The following RAD51B variants were observed in gnomAD, a reference collection of about 807,000 sequenced individuals.
RAD51B encodes DNA repair protein RAD51 homolog 2.
RAD51B carries 38 observed loss-of-function variants against 42.2 expected under a neutral mutation model. That is an observed-to-expected ratio of 0.90 (90% CI 0.70 to 1.18). RAD51B has a LOEUF of 1.18. RAD51B is among the 50% of genes most tolerant of loss of function. RAD51B has a pLI of 0.00. For synonymous variants in RAD51B, 154 were observed against 145.2 expected, an observed-to-expected ratio of 1.06 and a Z score of -0.43; for missense variants, 373 against 400.7, an observed-to-expected ratio of 0.93 and a Z score of 0.59.
At chr14:68,681,879 T>C (rs1016693951) in intron 11 of RAD51B, among the ~76,000 whole-genome samples, 7 of 152,152 alleles carry the variant, frequency 4.6e-5, no homozygotes, top group Non-Finnish European at 8.8e-5. Flanking sequence ...ATGAAAGATA[T>C]AGTGGACTTT....
intron 9 of RAD51B, chr14:68,421,658 A>G: frequency 2.0e-6 from 3 of 1,504,490 alleles, no homozygotes; most frequent in Non-Finnish European, 2.7e-6. Flanking sequence ...TGAGCTACGG[A>G]AGGAATGGTC....
intron 8 of RAD51B, among the ~76,000 whole-genome samples, chr14:68,376,333 C>A (rs1282945704): frequency 6.6e-6 from 1 of 152,198 alleles, no homozygotes; most frequent in Non-Finnish European, 1.5e-5. Flanking sequence ...AAACAACCCA[C>A]CACCCAGCAG....
chr14:68,156,257 A>G (rs2078502334), intron 7 of RAD51B, among the ~76,000 whole-genome samples: 1 of 152,220 alleles, frequency 6.6e-6, no homozygotes, highest in Non-Finnish European at 1.5e-5. Context: ...TAATGTTGAC[A>G]GAGTCCTTGC....
At chr14:68,591,848 G>C (rs767310314) in intron 10 of RAD51B, among the ~76,000 whole-genome samples, 1 of 152,016 alleles carries the variant, frequency 6.6e-6, no homozygotes, top group Non-Finnish European at 1.5e-5. Flanking sequence ...GTGATTGGCC[G>C]GCCACCTGGA....
chr14:68,515,429 T>C (rs1193916836), intron 10 of RAD51B, among the ~76,000 whole-genome samples: 2 of 73,200 alleles, frequency 2.7e-5, no homozygotes, highest in Non-Finnish European at 6.6e-5. Flanking sequence ...TTTTCTTCCT[T>C]TCTTCTTCTT....
rs566524304 is a variant in RAD51B at position 68,273,269 on chromosome 14, G to A, written c.757-18615G>A. ...GGAGGAGGCTGCTATCCAGAGTCAG[G>A]AAGTCTCCCAAGGTGTTTTTTGCCT... On this transcript the variant is annotated intron_variant, in intron 7 of 10. Transcript: ENST00000471583. Among the ~76,000 whole-genome samples, 15 of 152,272 alleles carry A rather than the reference G, an allele frequency of 9.9e-5. 1 individual carries two copies. Among genetic ancestry groups the A allele is most frequent in the African/African-American group, 3.6e-4 (15 of 41,556 alleles).
intron 8 of RAD51B, chr14:68,339,407 A>C (rs1352537292): frequency 1.3e-6 from 1 of 748,996 alleles, no homozygotes; most frequent in African/African-American, 1.8e-5. Flanking sequence ...TATCCTGTCC[A>C]ATGCCAAAAT....
intron 7 of RAD51B, among the ~76,000 whole-genome samples, chr14:68,005,872 T>G (rs1390899466): frequency 6.6e-6 from 1 of 152,142 alleles, no homozygotes; most frequent in Non-Finnish European, 1.5e-5. Flanking sequence ...CTCAAGAAAC[T>G]TTGAATCATG....
In RAD51B at chr14:67,991,586, T is replaced by C. The variant is rs142842002; in HGVS notation, c.756+104382T>C. ...TGAAAGAGTGATATTTAATGGTCTGTGTTAACCTGGAAGGAGAACTCTGGG... is the reference window on the plus strand; with the variant it reads ...TGAAAGAGTGATATTTAATGGTCTGCGTTAACCTGGAAGGAGAACTCTGGG... On this transcript the variant is annotated intron_variant, in intron 7 of 10. Coordinates refer to ENST00000471583, the MANE Select transcript of RAD51B (RefSeq NM_133510.4). Among the ~76,000 whole-genome samples, 1,225 of 152,304 alleles carry C rather than the reference T, an allele frequency of 8.0e-3. 14 individuals carry two copies. Among genetic ancestry groups the C allele is most frequent in the African/African-American group, 0.028 (1,148 of 41,572 alleles).
intron 9 of RAD51B, among the ~76,000 whole-genome samples, chr14:68,414,859 TAAAAAAAAAA>T (rs33968049): frequency 2.8e-5 from 2 of 71,212 alleles, no homozygotes; most frequent in African/African-American, 1.2e-4. Flanking sequence ...CCATCTCTAC[TAAAAAAAAAA>T]AAAAAAAAAA....
At chr14:68,121,980 G>A (rs1595430189) in intron 7 of RAD51B, among the ~76,000 whole-genome samples, 1 of 151,866 alleles carries the variant, frequency 6.6e-6, no homozygotes, top group Non-Finnish European at 1.5e-5. Context: ...ATAAGATAAT[G>A]TTGGCATTGC....
intron 7 of RAD51B, among the ~76,000 whole-genome samples, chr14:67,959,590 T>A (rs1299924194): frequency 2.0e-5 from 3 of 152,134 alleles, no homozygotes; most frequent in African/African-American, 7.2e-5. Context: ...AAAATAATGG[T>A]AAGCCGGGTA....
At chr14:68,240,382 G>A (rs1167449195) in intron 7 of RAD51B, among the ~76,000 whole-genome samples, 2 of 152,192 alleles carry the variant, frequency 1.3e-5, no homozygotes, top group Non-Finnish European at 2.9e-5. Flanking sequence ...AGGAAAAGCG[G>A]AGAGAAAAAG....
intron 7 of RAD51B, among the ~76,000 whole-genome samples, chr14:68,289,435 C>T (rs138149916): frequency 5.0e-4 from 76 of 152,164 alleles, no homozygotes; most frequent in Middle Eastern, 3.4e-3. Context: ...AGAGAAATGG[C>T]CGGGCATGGT....
rs189472748 is a variant in RAD51B, at chr14:68,255,488, C to T, written c.757-36396C>T. ...TAATTCCTTTTATAAGACAATCATT[C>T]ACACTAATTTTCAAAGTCCCACAAG... is the stretch of plus-strand genomic sequence containing the variant. On this transcript the variant is annotated intron_variant, in intron 7 of 10. Transcript: ENST00000471583. 3.3e-5 allele frequency among the ~76,000 whole-genome samples: 5 copies of T among 152,288 alleles called. No individual in the cohort carries two copies. In the East Asian group the frequency reaches 9.6e-4, roughly 29 times the overall value.
At chr14:68,054,588 C>A (rs2076444609) in intron 7 of RAD51B, among the ~76,000 whole-genome samples, 1 of 152,228 alleles carries the variant, frequency 6.6e-6, no homozygotes, top group Admixed American at 6.5e-5. Context: ...CTTATTTACT[C>A]AATCCTAGAT....
At chr14:68,403,514 G>A (rs1056365274) in intron 8 of RAD51B, among the ~76,000 whole-genome samples, 13 of 152,234 alleles carry the variant, frequency 8.5e-5, no homozygotes, top group South Asian at 2.1e-4. Context: ...ATACTGACAC[G>A]GGTTGGTACC....
chr14:68,411,532 G>A lies in RAD51B; in HGVS notation c.957+5G>A. ...CTTGATTCAGAGAGAAGACAGGTGG[G>A]TGCTTTGACAGTATTCTCTGACTAT... On this transcript the variant is annotated splice_donor_5th_base_variant and intron_variant, in intron 9 of 10. Coordinates refer to ENST00000471583, the MANE Select transcript of RAD51B (RefSeq NM_133510.4). 2 of 1,611,654 alleles carry A rather than the reference G, an allele frequency of 1.2e-6. No homozygotes were observed. The highest frequency in any genetic ancestry group is 1.7e-6 in the Non-Finnish European group (2 of 1,177,864).
At chr14:68,261,612 C>G (rs1446726126) in intron 7 of RAD51B, among the ~76,000 whole-genome samples, 1 of 152,068 alleles carries the variant, frequency 6.6e-6, no homozygotes, top group East Asian at 1.9e-4. Flanking sequence ...AACTACAAAA[C>G]CATATATTTT....
Sources: gnomAD v4.1 joint callset for allele counts (sites outside exome capture counted in the v4.1 genomes callset) on GRCh38, gnomAD v4.1.1 for gene constraint, MANE v1.5 for transcripts, NCBI Gene and HGNC (gene_info 2026-07-23, HGNC 2026-07-21) for gene names.